SYCP1: variants seen among roughly 807,000 people sequenced by gnomAD.
SYCP1 encodes synaptonemal complex protein 1.
Under a neutral mutation model 153.1 loss-of-function variants are expected in SYCP1, and 64 were observed. That is an observed-to-expected ratio of 0.42 (90% CI 0.34 to 0.51). The LOEUF is 0.51. Ranked by LOEUF, SYCP1 falls within the 20% of genes least tolerant of loss-of-function variation. The pLI is 0.06. For synonymous variants in SYCP1, 384 were observed against 341.8 expected (o/e 1.12, Z -1.36); for missense variants, 997 against 1,049.0 (o/e 0.95, Z 0.68).
chr1:114,863,118 G>C (rs2101328076), intron 8 of SYCP1: 1 of 152,296 alleles, frequency 6.6e-6, no homozygotes, highest in African/African-American at 2.4e-5. Flanking sequence ...TGTCTTTATA[G>C]TAGAATGATT....
chr1:114,928,162 C>G (rs1430090519), intron 23 of SYCP1, among the ~76,000 whole-genome samples: 1 of 152,130 alleles, frequency 6.6e-6, no homozygotes, highest in Admixed American at 6.6e-5. Context: ...AAAAATTTAT[C>G]ACACTTAAAA....
At chr1:114,979,517 T>A (rs958509316) in intron 28 of SYCP1, among the ~76,000 whole-genome samples, 1 of 151,754 alleles carries the variant, frequency 6.6e-6, no homozygotes, top group South Asian at 2.1e-4. Context: ...TAAATTGTCA[T>A]TCTCCTACCT....
chr1:114,903,740 C>A (rs999194135), intron 16 of SYCP1, among the ~76,000 whole-genome samples: 1 of 152,092 alleles, frequency 6.6e-6, no homozygotes, highest in Non-Finnish European at 1.5e-5. Context: ...AGTAGACAGA[C>A]AATCACAGTA....
chr1:114,918,206 T>C (rs2101703594), intron 20 of SYCP1, among the ~76,000 whole-genome samples: 1 of 152,068 alleles, frequency 6.6e-6, no homozygotes. Context: ...TGCATATGGA[T>C]ATATGGATAT....
intron 23 of SYCP1, among the ~76,000 whole-genome samples, chr1:114,938,262 C>G (rs1416680173): frequency 1.3e-5 from 2 of 152,050 alleles, no homozygotes; most frequent in African/African-American, 4.8e-5. Context: ...ATGGATGAAG[C>G]TGGAAACCAT....
chr1:114,932,582 G>A (rs141110094), intron 23 of SYCP1, among the ~76,000 whole-genome samples: 30 of 152,276 alleles, frequency 2.0e-4, no homozygotes, highest in East Asian at 9.7e-4. Flanking sequence ...CCCACAGAGC[G>A]TGAGCTGAAG....
rs1668284735 is a variant in SYCP1 at position 114,913,045 on chromosome 1, T to A, written c.1542T>A (p.Thr514=). The A allele has an allele frequency of 6.2e-7, 1 of 1,605,996 alleles. No individual in the cohort carries two copies. The highest frequency in any genetic ancestry group is 8.5e-7 in the Non-Finnish European group (1 of 1,176,948). ...TTTTAAAAAATAGGCTTAAGAATAC[T>A]GAATTAACTTCACACTGCAACAAGC... ...TELENEKLKN[T]ELTSHCNKLS... Residue 514 remains threonine, a synonymous_variant, in exon 19 of 32, where the codon ACT becomes ACA. Coordinates refer to ENST00000369522, the MANE Select transcript of SYCP1 (RefSeq NM_003176.4).
chr1:114,970,960 G>A (rs1358582625), intron 27 of SYCP1, among the ~76,000 whole-genome samples: 2 of 152,198 alleles, frequency 1.3e-5, no homozygotes, highest in African/African-American at 4.8e-5. Flanking sequence ...TACAGCCGGT[G>A]GAATTAGATG....
chr1:114,934,305 A>C (rs1669837539), intron 23 of SYCP1, among the ~76,000 whole-genome samples: 1 of 152,194 alleles, frequency 6.6e-6, no homozygotes. Context: ...TATCCAGCCA[A>C]ACTAAACTTC....
At position 114,916,502 on chromosome 1, in the gene SYCP1, A is replaced by G. The variant is rs140627714; in HGVS notation, c.1718+2457A>G. Reference sequence around the variant, plus strand: ...GATATTGGGTATTATTAATTTATTGATAATTTAAAAGATAAGGATAAGTCA... The same window carrying G: ...GATATTGGGTATTATTAATTTATTGGTAATTTAAAAGATAAGGATAAGTCA... On this transcript the variant is annotated intron_variant, in intron 20 of 31. Coordinates refer to ENST00000369522, the MANE Select transcript of SYCP1 (RefSeq NM_003176.4). 1.0e-3 allele frequency among the ~76,000 whole-genome samples: 158 copies of G among 152,104 alleles called. 2 individuals are homozygous for G. Among genetic ancestry groups the G allele is most frequent in the African/African-American group, 3.7e-3 (153 of 41,554 alleles).
chr1:114,989,187 C>G (rs942758032), intron 30 of SYCP1, among the ~76,000 whole-genome samples: 6 of 150,914 alleles, frequency 4.0e-5, no homozygotes, highest in Non-Finnish European at 7.4e-5. Context: ...AACAAAAAAC[C>G]AAAAAAAACC....
chr1:114,962,345 T>A (rs1168323869), intron 27 of SYCP1, among the ~76,000 whole-genome samples: 2 of 152,160 alleles, frequency 1.3e-5, no homozygotes, highest in African/African-American at 4.8e-5. Flanking sequence ...AGAACCAGTG[T>A]TAGGTGCATA....
intron 12 of SYCP1, among the ~76,000 whole-genome samples, chr1:114,881,979 T>C (rs35594694): frequency 0.039 from 5,981 of 152,276 alleles, 161 homozygotes; most frequent in Non-Finnish European, 0.058. Context: ...TCTTGGAAAT[T>C]CTCAACAATA....
At chr1:114,959,558 G>A (rs1219573611) in intron 27 of SYCP1, among the ~76,000 whole-genome samples, 1 of 152,058 alleles carries the variant, frequency 6.6e-6, no homozygotes, top group Non-Finnish European at 1.5e-5. Flanking sequence ...ATCACCTCAA[G>A]CATTTATCCT....
intron 30 of SYCP1, among the ~76,000 whole-genome samples, chr1:114,986,092 A>G (rs1042963777): frequency 6.6e-6 from 1 of 151,966 alleles, no homozygotes; most frequent in Non-Finnish European, 1.5e-5. Flanking sequence ...TTACATAAAC[A>G]TCCACAGATT....
intron 27 of SYCP1, 38 bp downstream of exon 27, chr1:114,947,358 G>C: frequency 6.9e-7 from 1 of 1,446,164 alleles, no homozygotes; most frequent in South Asian, 1.2e-5. Context: ...TGATTACAAG[G>C]TTTAGGGGCA....
At chr1:114,921,326 G>A (rs985650451) in intron 20 of SYCP1, among the ~76,000 whole-genome samples, 1 of 151,668 alleles carries the variant, frequency 6.6e-6, no homozygotes, top group Non-Finnish European at 1.5e-5. Context: ...TTTTATTATT[G>A]TGTTTATGTC....
chr1:114,963,136 T>C (rs1228645711), intron 27 of SYCP1, among the ~76,000 whole-genome samples: 1 of 152,208 alleles, frequency 6.6e-6, no homozygotes, highest in Non-Finnish European at 1.5e-5. Context: ...GACAATTTGA[T>C]GACTATGTGC....
intron 30 of SYCP1, among the ~76,000 whole-genome samples, chr1:114,985,912 G>GAA (rs11395393): frequency 0.08 from 9,743 of 121,688 alleles, 372 homozygotes; most frequent in Middle Eastern, 0.18. Flanking sequence ...CAAAAAATTT[G>GAA]AAAAAAAAAA....
Sources: gnomAD v4.1 joint callset for allele counts (sites outside exome capture counted in the v4.1 genomes callset) on GRCh38, gnomAD v4.1.1 for gene constraint, MANE v1.5 for transcripts, NCBI Gene and HGNC (gene_info 2026-07-23, HGNC 2026-07-21) for gene names.